The following TMEM114 variants were observed in gnomAD, a reference collection of about 807,000 sequenced individuals.
TMEM114 encodes the protein transmembrane protein 114, also known as claudin-26.
Under a neutral mutation model 6.2 loss-of-function variants are expected in TMEM114, and 6 were observed. That is an observed-to-expected ratio of 0.97 (90% CI 0.53 to 1.91). The LOEUF (loss-of-function observed/expected upper bound fraction) is 1.91, where lower values mean the gene tolerates loss of function less well. Ranked by LOEUF, TMEM114 falls within the 40% of genes most tolerant of loss-of-function variation. The pLI is 0.01. For synonymous variants in TMEM114, 104 were observed against 73.0 expected (o/e 1.42, Z -2.16); for missense variants, 218 against 158.3 (o/e 1.38, Z -2.02).
chr16:8,553,191 C>A (rs969988572), intron 2 of TMEM114, among the ~76,000 whole-genome samples: 1 of 152,216 alleles, frequency 6.6e-6, no homozygotes. Flanking sequence ...TCAGCTGGCC[C>A]TGGGGCATCA....
downstream of TMEM114, among the ~76,000 whole-genome samples, chr16:8,565,581 G>C (rs947642348): frequency 6.6e-6 from 1 of 152,106 alleles, no homozygotes; most frequent in African/African-American, 2.4e-5. Flanking sequence ...CCCCCGGTTA[G>C]TCCAGCACAC....
chr16:8,582,760 C>T (rs1233791601), intron 2 of TMEM114, among the ~76,000 whole-genome samples: 1 of 152,148 alleles, frequency 6.6e-6, no homozygotes, highest in Admixed American at 6.6e-5. Context: ...CATGGTGGTG[C>T]ACACCTGTGG....
chr16:8,552,320 G>A (rs1363899937), intron 2 of TMEM114, among the ~76,000 whole-genome samples: 1 of 152,040 alleles, frequency 6.6e-6, no homozygotes, highest in Non-Finnish European at 1.5e-5. Flanking sequence ...GGAGGTTGAG[G>A]CTGTAGTGAG....
chr16:8,565,364 T>C (rs902160403), downstream of TMEM114, among the ~76,000 whole-genome samples: 2 of 152,124 alleles, frequency 1.3e-5, no homozygotes, highest in African/African-American at 4.8e-5. Flanking sequence ...AATAAATGAA[T>C]GAGTGAATAA....
chr16:8,580,953 A>G (rs1301844274), intron 2 of TMEM114, among the ~76,000 whole-genome samples: 2 of 152,212 alleles, frequency 1.3e-5, no homozygotes, highest in East Asian at 3.9e-4. Flanking sequence ...CGGCCTCCCA[A>G]AGTGCTGGGA....
intron 2 of TMEM114, among the ~76,000 whole-genome samples, chr16:8,564,293 GT>G (rs1901435175): frequency 6.9e-6 from 1 of 144,664 alleles, no homozygotes; most frequent in Admixed American, 6.9e-5. Flanking sequence ...GATGAAATAA[GT>G]GAATGAGTGA....
chr16:8,566,344 C>T (rs566928763), downstream of TMEM114, among the ~76,000 whole-genome samples: 132 of 145,758 alleles, frequency 9.1e-4, 1 homozygote, highest in African/African-American at 3.1e-3. Context: ...GCCATTGCAC[C>T]CCAGCCTGGG....
At chr16:8,567,066 A>AAT (rs1045389642), downstream of TMEM114, among the ~76,000 whole-genome samples, 1 of 144,372 alleles carries the variant, frequency 6.9e-6, no homozygotes, top group South Asian at 2.2e-4. Flanking sequence ...ACAGCTGGCT[A>AAT]TTTTTTTTTT....
intron 2 of TMEM114, among the ~76,000 whole-genome samples, chr16:8,538,152 A>AAAC (rs1900415865): frequency 6.6e-6 from 1 of 150,938 alleles, no homozygotes; most frequent in African/African-American, 2.4e-5. Context: ...AAAAAAAAAA[A>AAAC]AACTTCGCTG....
rs192360759 is a variant in TMEM114 at position 8,546,973 on chromosome 16, C to G, written n.213-9147G>C. Among the ~76,000 whole-genome samples, 191 of 152,342 alleles carry G rather than the reference C, an allele frequency of 1.3e-3. 1 individual carries two copies. The highest frequency in any genetic ancestry group is 4.4e-3 in the African/African-American group (184 of 41,576). ...GAGGACAGGGGAAAGCCACAGCCAA[C>G]TGAGCCTTGGGTAAAGGTATCTAAG... On this transcript the variant is annotated intron_variant and non_coding_transcript_variant, in intron 2 of 2. Transcript: ENST00000623677.
chr16:8,540,592 G>A (rs1276148642), intron 2 of TMEM114, among the ~76,000 whole-genome samples: 1 of 142,074 alleles, frequency 7.0e-6, no homozygotes, highest in Non-Finnish European at 1.6e-5. Flanking sequence ...AGACTTGGGA[G>A]TTGATAAGAA....
intron 2 of TMEM114, among the ~76,000 whole-genome samples, chr16:8,557,153 C>T (rs1481798014): frequency 6.6e-6 from 1 of 152,140 alleles, no homozygotes; most frequent in Non-Finnish European, 1.5e-5. Flanking sequence ...GATACTTCTC[C>T]CAGGGAGGTT....
the TMEM114 span, chr16:8,526,790 C>G: frequency 1.3e-5 from 2 of 152,152 alleles, no homozygotes; most frequent in African/African-American, 4.8e-5. Context: ...CTAGCCACAC[C>G]AAAATAATTC....
intron 2 of TMEM114, among the ~76,000 whole-genome samples, chr16:8,546,089 T>G (rs567955553): frequency 6.4e-4 from 97 of 152,248 alleles, no homozygotes; most frequent in African/African-American, 2.0e-3. Flanking sequence ...CACTCCAGCC[T>G]GGGAACAGAG....
intron 2 of TMEM114, among the ~76,000 whole-genome samples, chr16:8,560,618 C>T (rs916186350): frequency 6.6e-6 from 1 of 152,150 alleles, no homozygotes; most frequent in East Asian, 1.9e-4. Flanking sequence ...GAGTTCGAGT[C>T]TCACCCTGGT....
chr16:8,548,345 G>A (rs759961474), intron 2 of TMEM114, among the ~76,000 whole-genome samples: 22 of 152,168 alleles, frequency 1.4e-4, no homozygotes, highest in Non-Finnish European at 2.4e-4. Flanking sequence ...TATAACACAT[G>A]TTTCTTGAGT....
downstream of TMEM114, among the ~76,000 whole-genome samples, chr16:8,566,767 G>A (rs1489657524): frequency 6.6e-6 from 1 of 152,044 alleles, no homozygotes; most frequent in Non-Finnish European, 1.5e-5. Context: ...CACCTGCCTG[G>A]TCTGCAGTTT....
chr16:8,543,551 A>T (rs1900578129), intron 2 of TMEM114, among the ~76,000 whole-genome samples: 1 of 151,888 alleles, frequency 6.6e-6, no homozygotes, highest in South Asian at 2.1e-4. Flanking sequence ...CACCCCTCCC[A>T]CCGAAACATC....
At chr16:8,577,642 G>T (rs1419420235) in intron 2 of TMEM114, among the ~76,000 whole-genome samples, 2 of 150,898 alleles carry the variant, frequency 1.3e-5, no homozygotes, top group Non-Finnish European at 2.9e-5. Flanking sequence ...GGAATGCAAT[G>T]GTGCCATCTC....
Sources: gnomAD v4.1 joint callset for allele counts (sites outside exome capture counted in the v4.1 genomes callset) on GRCh38, gnomAD v4.1.1 for gene constraint, MANE v1.5 for transcripts, NCBI Gene and HGNC (gene_info 2026-07-23, HGNC 2026-07-21) for gene names.